MRPS33: variants seen among roughly 807,000 people sequenced by gnomAD.
The protein encoded by MRPS33 is small ribosomal subunit protein mS33.
MRPS33 carries 11 observed loss-of-function variants against 11.2 expected under a neutral mutation model. The ratio of observed to expected loss-of-function variants is 0.99; its 90% CI spans 0.62 to 1.63. The LOEUF is 1.63. MRPS33 is among the 40% of genes most tolerant of loss of function. MRPS33 has a pLI of 0.00. For missense variants in MRPS33, 109 were observed against 127.8 expected (o/e 0.85, Z 0.71); for synonymous variants, 46 against 44.0 (o/e 1.05, Z -0.18).
rs558607149 is a variant in MRPS33 at position 141,004,672 on chromosome 7, T to G, written c.*1758A>C. On this transcript the variant is annotated 3_prime_UTR_variant, in exon 3 of 3. Transcript: ENST00000324787. Reference sequence around the variant, plus strand: ...AAGATCATTAATTTTATGTTTTTACTACAATAATAAAAAGTTATTAAAAAA... The same window carrying G: ...AAGATCATTAATTTTATGTTTTTACGACAATAATAAAAAGTTATTAAAAAA... 6.6e-6 allele frequency: 1 copy of G among 152,322 alleles called. No homozygotes were observed. The highest frequency in any genetic ancestry group is 2.4e-5 in the African/African-American group (1 of 41,562). The allele number at this position is 152,322 out of a possible 1,614,324, so 9.4% of individuals were successfully genotyped here.
chr7:141,007,647 A>G (rs1278625937), intron 2 of MRPS33, among the ~76,000 whole-genome samples: 1 of 152,132 alleles, frequency 6.6e-6, no homozygotes, highest in Non-Finnish European at 1.5e-5. Context: ...CCTGGAAAGG[A>G]ACACTCCCAC....
Position 141,004,165 on chromosome 7 carries a change from T to C in MRPS33, c.*2265A>G. ...AATACAAAATATTAGCCGGGCGTGG[T>C]GGTGGGCGCCTGTAGTCCCAGCTAC... On this transcript the variant is annotated 3_prime_UTR_variant, in exon 3 of 3. Coordinates refer to ENST00000324787, the MANE Select transcript of MRPS33 (RefSeq NM_053035.3). 1 of 152,102 alleles carries C rather than the reference T, an allele frequency of 6.6e-6. No homozygotes were observed. Among genetic ancestry groups the C allele is most frequent in the Non-Finnish European group, 1.5e-5 (1 of 67,996 alleles). 9.4% of individuals were successfully genotyped at this position (152,102 alleles called of 1,614,324 possible). A position where few individuals can be genotyped will look rare whatever the true frequency, so the allele number is the denominator to read the frequency against.
intron 2 of MRPS33, among the ~76,000 whole-genome samples, chr7:141,006,850 G>A (rs529194817): frequency 6.6e-6 from 1 of 152,270 alleles, no homozygotes; most frequent in South Asian, 2.1e-4. Flanking sequence ...AAATTTCCCT[G>A]CAACACTAAG....
chr7:141,012,173 C>CAAAAAAAAAAAAAAAAAAA lies in MRPS33; in HGVS notation c.-27-1532_-27-1514dup, dbSNP rs56343833. ...TGAGTGACAGAGCAAGATTGTGTGT[C>CAAAAAAAAAAAAAAAAAAA]AAAAAAAAAAAAAAAAAAAAAGCAG... On this transcript the variant is annotated intron_variant, in intron 1 of 2. Transcript: ENST00000324787. Among the ~76,000 whole-genome samples the CAAAAAAAAAAAAAAAAAAA allele has an allele frequency of 3.4e-5, 2 of 58,778 alleles. 1 individual carries two copies. The highest frequency in any genetic ancestry group is 1.6e-4 in the African/African-American group (2 of 12,478). 38.6% of individuals were successfully genotyped at this position (58,778 alleles called of 152,430 possible).
Position 141,010,405 on chromosome 7 carries a change from G to C in MRPS33, c.215+14C>G. The C allele has an allele frequency of 1.9e-6, 3 of 1,612,810 alleles. No individual in the cohort carries two copies. The highest frequency in any genetic ancestry group is 1.7e-6 in the Non-Finnish European group (2 of 1,179,306). On this transcript the variant is annotated intron_variant, in intron 2 of 2. Coordinates refer to ENST00000324787, the MANE Select transcript of MRPS33 (RefSeq NM_053035.3). ...AAAAGTCTCTCATAGGTCCCTCTTTGTGTTTGTCATCACCTGTAGAGTCCA... is the reference window on the plus strand; with the variant it reads ...AAAAGTCTCTCATAGGTCCCTCTTTCTGTTTGTCATCACCTGTAGAGTCCA...
In MRPS33 at chr7:141,006,174, T is replaced by C. The variant is rs917691758; in HGVS notation, c.*256A>G. ...CCAAACAAATCATCAAACAATAACT[T>C]AGGTATTTATTTCATTAGAGAATCA... On this transcript the variant is annotated 3_prime_UTR_variant, in exon 3 of 3. Coordinates refer to ENST00000324787, the MANE Select transcript of MRPS33 (RefSeq NM_053035.3). The C allele has an allele frequency of 1.4e-5, 7 of 485,982 alleles. No homozygotes were observed. Among genetic ancestry groups the C allele is most frequent in the African/African-American group, 1.2e-4 (6 of 51,218 alleles). 30.1% of individuals were successfully genotyped at this position (485,982 alleles called of 1,614,324 possible).
intron 2 of MRPS33, 74 bp from the exon 3 acceptor site, chr7:141,006,609 GCT>G: frequency 8.5e-7 from 1 of 1,175,550 alleles, no homozygotes; most frequent in South Asian, 1.3e-5. Flanking sequence ...AGCACGCACT[GCT>G]CTCTTAGGTC....
chr7:141,007,415 G>A (rs1820559589), intron 2 of MRPS33, among the ~76,000 whole-genome samples: 1 of 152,176 alleles, frequency 6.6e-6, no homozygotes, highest in Non-Finnish European at 1.5e-5. Context: ...ATCATGGACA[G>A]TATACAACTC....
Position 141,005,846 on chromosome 7 carries a change from G to A in MRPS33, c.*584C>T, listed in dbSNP as rs573144817. 2 of 152,608 alleles carry A rather than the reference G, an allele frequency of 1.3e-5. No homozygotes were observed. Among genetic ancestry groups the A allele is most frequent in the Admixed American group, 6.5e-5 (1 of 15,336 alleles). 9.5% of individuals were successfully genotyped at this position (152,608 alleles called of 1,614,324 possible). A position where few individuals can be genotyped will look rare whatever the true frequency, so the allele number is the denominator to read the frequency against. ...AAGACTGAAACTTACATGAGGTAGG[G>A]AGTATTTCTCTTGCTAACCACGTGT... On this transcript the variant is annotated 3_prime_UTR_variant, in exon 3 of 3. Transcript: ENST00000324787.
At chr7:141,013,754 A>G (rs1820735241) in intron 1 of MRPS33, among the ~76,000 whole-genome samples, 1 of 152,246 alleles carries the variant, frequency 6.6e-6, no homozygotes. Flanking sequence ...TGAGCAAAAC[A>G]AATTAAGCCC....
intron 2 of MRPS33, among the ~76,000 whole-genome samples, chr7:141,007,536 T>C (rs1429407517): frequency 2.0e-5 from 3 of 152,076 alleles, no homozygotes; most frequent in African/African-American, 7.2e-5. Flanking sequence ...CTGCAAATAG[T>C]TCCCCATTTC....
Position 141,002,746 on chromosome 7 carries a change from A to G in MRPS33, c.*3684T>C, listed in dbSNP as rs780777212. The G allele has an allele frequency of 1.2e-5, 2 of 161,558 alleles. No homozygotes were observed. The highest frequency in any genetic ancestry group is 2.4e-5 in the African/African-American group (1 of 41,534). 10.0% of individuals were successfully genotyped at this position (161,558 alleles called of 1,614,324 possible). ...TATATGGTGCTTAAAAAATAAACTT[A>G]TGGAGCCCATAATTACATAAATAAT... On this transcript the variant is annotated 3_prime_UTR_variant, in exon 3 of 3. Coordinates refer to ENST00000324787, the MANE Select transcript of MRPS33 (RefSeq NM_053035.3).
At chr7:141,012,377 T>G (rs1307262389) in intron 1 of MRPS33, among the ~76,000 whole-genome samples, 5 of 152,130 alleles carry the variant, frequency 3.3e-5, no homozygotes, top group Admixed American at 1.3e-4. Flanking sequence ...CCATTCAGCA[T>G]TCTCAGTTTC....
intron 1 of MRPS33, 115 bp from the exon 2 acceptor site, chr7:141,010,775 G>T: frequency 1.3e-6 from 1 of 741,616 alleles, no homozygotes; most frequent in Non-Finnish European, 2.3e-6. Flanking sequence ...GTGCAGTGTT[G>T]GCAGGATATG....
intron 1 of MRPS33, among the ~76,000 whole-genome samples, chr7:141,010,904 C>G (rs1237084026): frequency 6.6e-6 from 1 of 152,172 alleles, no homozygotes; most frequent in Non-Finnish European, 1.5e-5. Flanking sequence ...GCCTCCTTTG[C>G]AACCAACTAT....
intron 1 of MRPS33, among the ~76,000 whole-genome samples, chr7:141,013,444 C>G (rs1820727661): frequency 6.6e-6 from 1 of 152,202 alleles, no homozygotes; most frequent in Non-Finnish European, 1.5e-5. Flanking sequence ...TTACTAGAAA[C>G]AAAGGCCCAC....
At position 141,006,334 on chromosome 7, in the gene MRPS33, A is replaced by T; in HGVS notation, c.*96T>A. ...GTGTTCCTCCAAATAAACTTCATTT[A>T]GGAAGATGACATTCCTCCAATAGGT... is the stretch of plus-strand genomic sequence containing the variant. On this transcript the variant is annotated 3_prime_UTR_variant, in exon 3 of 3. Coordinates refer to ENST00000324787, the MANE Select transcript of MRPS33 (RefSeq NM_053035.3). 1 of 1,031,452 alleles carries T rather than the reference A, an allele frequency of 9.7e-7. No individual in the cohort carries two copies. Among genetic ancestry groups the T allele is most frequent in the Non-Finnish European group, 1.5e-6 (1 of 684,040 alleles). The allele number at this position is 1,031,452 out of a possible 1,614,324, so 63.9% of individuals were successfully genotyped here. A position where few individuals can be genotyped will look rare whatever the true frequency, so the allele number is the denominator to read the frequency against.
chr7:141,002,669 GTTATA>G lies in MRPS33; in HGVS notation c.*3756_*3760del, dbSNP rs1333924658. On this transcript the variant is annotated 3_prime_UTR_variant, in exon 3 of 3. Coordinates refer to ENST00000324787, the MANE Select transcript of MRPS33 (RefSeq NM_053035.3). ...ATGATTTATAAATACAAGCATTATG[GTTATA>G]TATGTTTAAATATATGATGCCTTAT... 5.6e-5 allele frequency: 13 copies of G among 232,056 alleles called. 1 individual carries two copies. 14.4% of individuals were successfully genotyped at this position (232,056 alleles called of 1,614,324 possible). A position where few individuals can be genotyped will look rare whatever the true frequency, so the allele number is the denominator to read the frequency against.
intron 2 of MRPS33, among the ~76,000 whole-genome samples, chr7:141,007,131 T>C (rs57612029): frequency 1.5e-3 from 235 of 152,270 alleles, no homozygotes; most frequent in African/African-American, 5.5e-3. Flanking sequence ...CAGAAGTTGA[T>C]GATTGCTTAT....
Sources: gnomAD v4.1 joint callset for allele counts (sites outside exome capture counted in the v4.1 genomes callset) on GRCh38, gnomAD v4.1.1 for gene constraint, MANE v1.5 for transcripts, NCBI Gene and HGNC (gene_info 2026-07-23, HGNC 2026-07-21) for gene names.